FAAH2: variants seen among roughly 807,000 people sequenced by gnomAD.
FAAH2 encodes fatty-acid amide hydrolase 2.
In FAAH2, 60 loss-of-function variants were observed where a neutral mutation model predicts 36.9. The observed-to-expected ratio is 1.63, with a 90% CI of 1.32 to 2.02. The LOEUF is 2.02. Ranked by LOEUF, FAAH2 falls within the 30% of genes most tolerant of loss-of-function variation. The pLI, the probability that FAAH2 is intolerant of heterozygous loss-of-function variation, is 0.00. For missense variants in FAAH2, 689 were observed against 397.5 expected, an observed-to-expected ratio of 1.73 and a Z score of -6.23; for synonymous variants, 214 against 143.8, an observed-to-expected ratio of 1.49 and a Z score of -3.49.
chrX:57,183,920 T>A, the FAAH2 span, among the ~76,000 whole-genome samples: 23 of 110,401 alleles, frequency 2.1e-4, no homozygotes, highest in Admixed American at 1.9e-3. Flanking sequence ...GCAAGAAATA[T>A]TAATATTAAT....
the FAAH2 span, among the ~76,000 whole-genome samples, chrX:57,277,633 G>T: frequency 7.2e-5 from 8 of 111,840 alleles, no homozygotes; most frequent in South Asian, 1.1e-3. Flanking sequence ...AAGTCAAATT[G>T]TCTGTGCTTG....
the FAAH2 span, among the ~76,000 whole-genome samples, chrX:57,149,171 G>A: frequency 6.3e-5 from 7 of 111,739 alleles, no homozygotes; most frequent in East Asian, 1.4e-3. Context: ...GTATTTTATT[G>A]AGGATTTTTG....
intron 5 of FAAH2, among the ~76,000 whole-genome samples, chrX:57,362,403 A>G (rs903238892): frequency 9.0e-6 from 1 of 111,001 alleles, no homozygotes; most frequent in Non-Finnish European, 1.9e-5. Flanking sequence ...CCTAATGTAG[A>G]TGACGGGTTG....
chrX:57,333,944 C>T (rs1290380827), intron 4 of FAAH2, among the ~76,000 whole-genome samples: 2 of 110,960 alleles, frequency 1.8e-5, no homozygotes, highest in South Asian at 3.8e-4. Context: ...AGAAACATAC[C>T]TTATCTGTAG....
the FAAH2 span, among the ~76,000 whole-genome samples, chrX:57,165,650 C>T: frequency 9.1e-6 from 1 of 110,456 alleles, no homozygotes; most frequent in South Asian, 3.9e-4. Flanking sequence ...TGTAACTAAC[C>T]TGCAGAATGT....
the FAAH2 span, among the ~76,000 whole-genome samples, chrX:57,148,956 T>C: frequency 3.6e-5 from 4 of 111,283 alleles, no homozygotes; most frequent in African/African-American, 1.3e-4. Context: ...TTATTGAGAG[T>C]TTTTAGCATG....
At chrX:57,401,246 G>A (rs1330089549) in intron 7 of FAAH2, among the ~76,000 whole-genome samples, 2 of 112,202 alleles carry the variant, frequency 1.8e-5, no homozygotes, top group Non-Finnish European at 3.8e-5. Flanking sequence ...CCAGGTATGA[G>A]AACTGGCTCA....
At chrX:57,430,187 AC>A (rs2056261584) in intron 7 of FAAH2, among the ~76,000 whole-genome samples, 1 of 111,722 alleles carries the variant, frequency 9.0e-6, no homozygotes, top group African/African-American at 3.3e-5. Flanking sequence ...AAATATTAAA[AC>A]AAAAACAAAA....
Position 57,292,567 on chromosome X carries a change from A to C in FAAH2, c.262A>C (p.Ile88Leu). Residue 88 changes from isoleucine (I) to leucine (L), a missense_variant, in exon 2 of 11, where the codon ATT becomes CTT. Transcript: ENST00000374900. ...GGACGTGAACCCAATGATCAATGGA[A>C]TTGTCAAGTACAGGTGAGCATTTCC... The part of the protein sequence containing the change: ...IKDVNPMING[I>L]VKYRFEEAMK... The C allele has an allele frequency of 8.3e-7, 1 of 1,208,404 alleles. No individual in the cohort carries two copies. Among genetic ancestry groups the C allele is most frequent in the Non-Finnish European group, 1.1e-6 (1 of 893,207 alleles).
At chrX:57,381,150 A>G (rs2054836723) in intron 7 of FAAH2, 121 bp downstream of exon 7, 1 of 466,932 alleles carries the variant, frequency 2.1e-6, no homozygotes, top group African/African-American at 2.6e-5. Flanking sequence ...GGTTTTCAGA[A>G]CAGTTATACT....
chrX:57,330,046 A>G (rs2053354794), intron 3 of FAAH2, among the ~76,000 whole-genome samples: 1 of 111,703 alleles, frequency 9.0e-6, no homozygotes. Flanking sequence ...TTAACTGCAC[A>G]GATTGTAGAG....
Position 57,342,114 on chromosome X carries a change from C to T in FAAH2, c.742+724C>T, listed in dbSNP as rs909369755. Among the ~76,000 whole-genome samples the T allele has an allele frequency of 2.7e-5, 3 of 111,472 alleles. No individual in the cohort carries two copies. The East Asian group carries it at 8.4e-4, about 31-fold the overall frequency. ...TCATAAAAATATGCTAAGAATAAAT[C>T]CTCATTTGATCATGGTTTTTAGGAA... On this transcript the variant is annotated intron_variant, in intron 5 of 10. Coordinates refer to ENST00000374900, the MANE Select transcript of FAAH2 (RefSeq NM_174912.4).
At chrX:57,309,155 T>C (rs1039605761) in intron 2 of FAAH2, among the ~76,000 whole-genome samples, 1 of 112,206 alleles carries the variant, frequency 8.9e-6, no homozygotes, top group Non-Finnish European at 1.9e-5. Flanking sequence ...TTGCATACTT[T>C]AGTGATTGTA....
At chrX:57,152,788 G>C in the FAAH2 span, among the ~76,000 whole-genome samples, 1 of 109,918 alleles carries the variant, frequency 9.1e-6, no homozygotes, top group African/African-American at 3.3e-5. Context: ...TGCACCCACT[G>C]TCTGGCACTC....
the FAAH2 span, among the ~76,000 whole-genome samples, chrX:57,218,242 G>A: frequency 6.3e-5 from 7 of 111,692 alleles, no homozygotes; most frequent in Admixed American, 3.8e-4. Flanking sequence ...ATGATGAAGA[G>A]GAGTGGTGAT....
chrX:57,132,203 C>T, the FAAH2 span, among the ~76,000 whole-genome samples: 2 of 112,291 alleles, frequency 1.8e-5, no homozygotes, highest in Admixed American at 9.4e-5. Context: ...TTTTCACTAA[C>T]GGTTTTAAAT....
At chrX:57,435,414 A>G (rs1010433707) in intron 8 of FAAH2, among the ~76,000 whole-genome samples, 2 of 111,287 alleles carry the variant, frequency 1.8e-5, no homozygotes, top group African/African-American at 6.5e-5. Context: ...CAGAAAATAT[A>G]AGAAACATGA....
the FAAH2 span, among the ~76,000 whole-genome samples, chrX:57,190,499 G>T: frequency 8.3e-5 from 9 of 108,309 alleles, no homozygotes; most frequent in Non-Finnish European, 1.3e-4. Flanking sequence ...CCAAACAGCC[G>T]CCCAGTTTTG....
intron 8 of FAAH2, among the ~76,000 whole-genome samples, chrX:57,436,721 G>A (rs1293755756): frequency 3.6e-5 from 4 of 111,275 alleles, no homozygotes; most frequent in Non-Finnish European, 7.6e-5. Context: ...AACTTGAGCA[G>A]ACCTATAATG....
Sources: allele counts gnomAD v4.1 joint callset (sites outside exome capture counted in the v4.1 genomes callset), GRCh38; gene constraint gnomAD v4.1.1; transcripts MANE v1.5; gene names NCBI Gene and HGNC (gene_info 2026-07-23, HGNC 2026-07-21).